ZFAND3: variants seen among roughly 807,000 people sequenced by gnomAD.
The protein encoded by ZFAND3 is AN1-type zinc finger protein 3.
In ZFAND3, 10 loss-of-function variants were observed where a neutral mutation model predicts 29.6. That is an observed-to-expected ratio of 0.34 (90% CI 0.21 to 0.57). The LOEUF (loss-of-function observed/expected upper bound fraction) is 0.57. Ranked by LOEUF, ZFAND3 falls within the 20% of genes least tolerant of loss-of-function variation. The pLI, the probability that ZFAND3 is intolerant of heterozygous loss-of-function variation, is 0.86. For synonymous variants in ZFAND3, 128 were observed against 112.6 expected, an observed-to-expected ratio of 1.14 and a Z score of -0.87; for missense variants, 230 against 304.5, an observed-to-expected ratio of 0.76 and a Z score of 1.82.
intron 1 of ZFAND3, among the ~76,000 whole-genome samples, chr6:37,883,186 G>A (rs889785313): frequency 6.6e-6 from 1 of 152,164 alleles, no homozygotes; most frequent in Non-Finnish European, 1.5e-5. Flanking sequence ...TCACGCCACT[G>A]CTCTACAGCC....
intron 2 of ZFAND3, among the ~76,000 whole-genome samples, chr6:38,048,009 A>G (rs1055007259): frequency 3.8e-5 from 4 of 106,344 alleles, no homozygotes; most frequent in African/African-American, 1.1e-4. Context: ...GTGTTTGTTT[A>G]TTTATTTATT....
At chr6:38,042,284 A>G (rs1763804995) in intron 2 of ZFAND3, among the ~76,000 whole-genome samples, 1 of 150,316 alleles carries the variant, frequency 6.7e-6, no homozygotes, top group African/African-American at 2.5e-5. Flanking sequence ...AAAAGTATGC[A>G]TGTCACATAT....
chr6:38,051,751 A>G (rs1260735359), intron 2 of ZFAND3, among the ~76,000 whole-genome samples: 1 of 152,260 alleles, frequency 6.6e-6, no homozygotes, highest in African/African-American at 2.4e-5. Context: ...TAATGCCACA[A>G]TATTCAGAAA....
At chr6:38,110,829 C>T (rs1411750336) in intron 4 of ZFAND3, among the ~76,000 whole-genome samples, 3 of 152,118 alleles carry the variant, frequency 2.0e-5, no homozygotes, top group East Asian at 1.9e-4. Context: ...TTGGCTTGTA[C>T]GGAGGCCTAA....
chr6:37,832,169 C>A (rs1763873637), intron 1 of ZFAND3, among the ~76,000 whole-genome samples: 1 of 152,036 alleles, frequency 6.6e-6, no homozygotes, highest in Non-Finnish European at 1.5e-5. Context: ...GATAAAGTAA[C>A]CCTGGGAGAA....
chr6:37,854,932 A>C (rs1764350477), intron 1 of ZFAND3, among the ~76,000 whole-genome samples: 1 of 147,630 alleles, frequency 6.8e-6, no homozygotes, highest in African/African-American at 2.5e-5. Context: ...AATTATTACC[A>C]GTTGAAAGGT....
chr6:37,947,613 A>G (rs1761925517), intron 2 of ZFAND3, among the ~76,000 whole-genome samples: 1 of 152,192 alleles, frequency 6.6e-6, no homozygotes, highest in South Asian at 2.1e-4. Context: ...CCCCACATGC[A>G]GTGATTAAGA....
intron 1 of ZFAND3, among the ~76,000 whole-genome samples, chr6:37,862,040 T>C (rs970187378): frequency 6.6e-6 from 1 of 152,220 alleles, no homozygotes; most frequent in African/African-American, 2.4e-5. Flanking sequence ...AATTATTTTT[T>C]AAAAATGTGC....
intron 5 of ZFAND3, among the ~76,000 whole-genome samples, chr6:38,144,654 A>G (rs1581958121): frequency 6.6e-6 from 1 of 152,226 alleles, no homozygotes; most frequent in Non-Finnish European, 1.5e-5. Context: ...TCAACTTTTG[A>G]CAATTTAAAA....
At chr6:38,019,501 A>G (rs1234742308) in intron 2 of ZFAND3, among the ~76,000 whole-genome samples, 1 of 151,786 alleles carries the variant, frequency 6.6e-6, no homozygotes, top group Non-Finnish European at 1.5e-5. Flanking sequence ...TCATTTGATC[A>G]TGTATGGCAT....
intron 2 of ZFAND3, among the ~76,000 whole-genome samples, chr6:37,959,186 A>G (rs28713195): frequency 6.6e-6 from 1 of 152,210 alleles, no homozygotes; most frequent in Non-Finnish European, 1.5e-5. Flanking sequence ...AACCAATGTG[A>G]TGCAGCATAG....
intron 5 of ZFAND3, among the ~76,000 whole-genome samples, chr6:38,119,962 C>T (rs999210044): frequency 6.6e-6 from 1 of 152,094 alleles, no homozygotes; most frequent in Non-Finnish European, 1.5e-5. Context: ...GACTAGATAA[C>T]CTTTAAATCA....
chr6:37,843,170 C>T (rs918594244), intron 1 of ZFAND3, among the ~76,000 whole-genome samples: 1 of 149,980 alleles, frequency 6.7e-6, no homozygotes, highest in African/African-American at 2.5e-5. Flanking sequence ...TGTGCCTTGA[C>T]TATTCAGGTG....
chr6:37,826,480 G>C (rs998067186), intron 1 of ZFAND3, among the ~76,000 whole-genome samples: 10 of 152,178 alleles, frequency 6.6e-5, no homozygotes, highest in African/African-American at 2.2e-4. Flanking sequence ...TTGGCTGGAT[G>C]CTGTGGCTGG....
chr6:37,838,628 A>G (rs570331406), intron 1 of ZFAND3, among the ~76,000 whole-genome samples: 231 of 152,282 alleles, frequency 1.5e-3, no homozygotes, highest in African/African-American at 5.2e-3. Context: ...AACGTTTTCA[A>G]GGTTCTTCCA....
At chr6:38,026,175 A>G (rs757064230) in intron 2 of ZFAND3, among the ~76,000 whole-genome samples, 1 of 152,162 alleles carries the variant, frequency 6.6e-6, no homozygotes, top group Non-Finnish European at 1.5e-5. Flanking sequence ...TCTGTCCCCT[A>G]AATACACTTA....
chr6:38,001,347 A>G (rs543354459), intron 2 of ZFAND3, among the ~76,000 whole-genome samples: 20 of 152,198 alleles, frequency 1.3e-4, no homozygotes, highest in Non-Finnish European at 2.6e-4. Context: ...ACCTTCTGGA[A>G]GGCACAAGGT....
At chr6:38,081,229 T>C (rs1764654928) in intron 3 of ZFAND3, among the ~76,000 whole-genome samples, 1 of 152,084 alleles carries the variant, frequency 6.6e-6, no homozygotes, top group Non-Finnish European at 1.5e-5. Context: ...ATTTGCTAAG[T>C]GTTCTTTGAA....
intron 4 of ZFAND3, among the ~76,000 whole-genome samples, chr6:38,094,253 C>A (rs1764928976): frequency 6.6e-6 from 1 of 151,516 alleles, no homozygotes; most frequent in African/African-American, 2.4e-5. Flanking sequence ...GTAGCTAATT[C>A]AAGCTGTCAT....
Sources: allele counts gnomAD v4.1 joint callset (sites outside exome capture counted in the v4.1 genomes callset), GRCh38; gene constraint gnomAD v4.1.1; transcripts MANE v1.5; gene names NCBI Gene and HGNC (gene_info 2026-07-23, HGNC 2026-07-21).